The following LRP1B variants were observed in gnomAD, a reference collection of about 807,000 sequenced individuals.
LRP1B encodes the protein LDL receptor related protein 1B, also known as low-density lipoprotein receptor-related protein 1B.
LRP1B carries 217 observed loss-of-function variants against 556.6 expected under a neutral mutation model. The observed-to-expected ratio is 0.39, with a 90% confidence interval of 0.35 to 0.44. LRP1B has a LOEUF of 0.44. Ranked by LOEUF, LRP1B falls within the 20% of genes least tolerant of loss-of-function variation. LRP1B has a pLI of 1.00. For synonymous variants in LRP1B, 2,047 were observed against 1,865.8 expected, an observed-to-expected ratio of 1.10 and a Z score of -2.50; for missense variants, 5,053 against 5,620.8, an observed-to-expected ratio of 0.90 and a Z score of 3.23.
At chr2:141,905,978 G>A (rs1052427930) in intron 1 of LRP1B, among the ~76,000 whole-genome samples, 1 of 132,816 alleles carries the variant, frequency 7.5e-6, no homozygotes, top group Non-Finnish European at 1.6e-5. Context: ...ATCTCTAAGA[G>A]GACTAGACAA....
At chr2:141,290,110 A>G (rs945089994) in intron 3 of LRP1B, among the ~76,000 whole-genome samples, 7 of 152,156 alleles carry the variant, frequency 4.6e-5, no homozygotes, top group Non-Finnish European at 5.9e-5. Context: ...TGAACATTCA[A>G]TACACCTCTC....
At chr2:140,494,606 C>CAAAAAAAAAAAAAA (rs77006034) in intron 56 of LRP1B, among the ~76,000 whole-genome samples, 1 of 64,196 alleles carries the variant, frequency 1.6e-5, no homozygotes, top group Non-Finnish European at 3.1e-5. Flanking sequence ...GACTCCGTCT[C>CAAAAAAAAAAAAAA]AAAAAAAAAA....
At chr2:140,746,717 A>C (rs1428581064) in intron 35 of LRP1B, among the ~76,000 whole-genome samples, 1 of 152,140 alleles carries the variant, frequency 6.6e-6, no homozygotes, top group South Asian at 2.1e-4. Context: ...GGGGTTGTGC[A>C]TTCCTGATTA....
chr2:141,155,496 A>G (rs1330229768), intron 7 of LRP1B, among the ~76,000 whole-genome samples: 1 of 149,138 alleles, frequency 6.7e-6, no homozygotes. Flanking sequence ...ATTTTTTTTT[A>G]TTTTAAGTTC....
chr2:140,841,036 T>C lies in LRP1B; in HGVS notation c.4996A>G (p.Ile1666Val), dbSNP rs755659973. ...TGCGTTTCATCAAATTCTGAGCTAATCCAGTATAAATTACGTGACACCCAA... is the reference window on the plus strand; with the variant it reads ...TGCGTTTCATCAAATTCTGAGCTAACCCAGTATAAATTACGTGACACCCAA... ...VDWVSRNLYWISSEFDETQIN... is the reference protein window; with the variant it reads ...VDWVSRNLYWVSSEFDETQIN... The change falls in exon 30 of 91, where the codon ATT becomes GTT. Residue 1666 changes from isoleucine (I) to valine (V), a missense_variant. Physicochemically the swap from Ile to Val is conservative, Grantham distance 29. Around this residue, in one of 5 missense-constraint regions of LRP1B, gnomAD observed 3,619 missense variants for 3,931.9 expected, o/e 0.92. Transcript: ENST00000389484. 73 of 1,613,366 alleles carry C rather than the reference T, an allele frequency of 4.5e-5. No individual in the cohort carries two copies. Among genetic ancestry groups the C allele is most frequent in the Non-Finnish European group, 5.9e-5 (70 of 1,179,588 alleles).
chr2:141,106,963 A>G (rs190460297), intron 7 of LRP1B, among the ~76,000 whole-genome samples: 16 of 152,230 alleles, frequency 1.1e-4, no homozygotes, highest in African/African-American at 3.6e-4. Flanking sequence ...GAATTGTGAT[A>G]TATGCAAGAT....
chr2:141,419,620 TC>T (rs1485085727), intron 3 of LRP1B, among the ~76,000 whole-genome samples: 1 of 152,148 alleles, frequency 6.6e-6, no homozygotes, highest in African/African-American at 2.4e-5. Flanking sequence ...CTGTAATGTC[TC>T]CTTTTTCATT....
intron 43 of LRP1B, among the ~76,000 whole-genome samples, chr2:140,591,124 A>C (rs1213589934): frequency 6.6e-6 from 1 of 152,226 alleles, no homozygotes; most frequent in Non-Finnish European, 1.5e-5. Flanking sequence ...CTTAAAATAT[A>C]CTGAAATCAA....
At chr2:142,008,533 T>A (rs1277165920) in intron 1 of LRP1B, among the ~76,000 whole-genome samples, 1 of 151,534 alleles carries the variant, frequency 6.6e-6, no homozygotes, top group Non-Finnish European at 1.5e-5. Flanking sequence ...TTTTTTTTTT[T>A]AACTTTCTTT....
chr2:142,005,858 C>T (rs559854410), intron 1 of LRP1B, among the ~76,000 whole-genome samples: 1 of 148,850 alleles, frequency 6.7e-6, no homozygotes, highest in East Asian at 2.0e-4. Flanking sequence ...GAGAAATGGT[C>T]TCCTCCTCTT....
chr2:141,220,579 A>T (rs1269997585), intron 6 of LRP1B, among the ~76,000 whole-genome samples: 3 of 151,386 alleles, frequency 2.0e-5, no homozygotes, highest in Non-Finnish European at 4.4e-5. Flanking sequence ...AGACTCCATG[A>T]GAAGATCAGC....
chr2:141,842,242 A>G (rs2105761913), intron 1 of LRP1B, among the ~76,000 whole-genome samples: 1 of 152,242 alleles, frequency 6.6e-6, no homozygotes, highest in East Asian at 1.9e-4. Context: ...AACCCTAATT[A>G]TCAACTTACA....
intron 32 of LRP1B, among the ~76,000 whole-genome samples, chr2:140,791,814 T>A (rs1159324840): frequency 2.2e-5 from 1 of 45,800 alleles, no homozygotes; most frequent in Non-Finnish European, 6.1e-5. Flanking sequence ...TTGAAGGGAA[T>A]CAGGATATCC....
intron 3 of LRP1B, among the ~76,000 whole-genome samples, chr2:141,322,259 C>T (rs1295061497): frequency 6.6e-6 from 1 of 151,920 alleles, no homozygotes; most frequent in East Asian, 1.9e-4. Flanking sequence ...AAGGAATGGG[C>T]AAGGGAAAAG....
chr2:140,787,980 A>T (rs1338047979), intron 32 of LRP1B, among the ~76,000 whole-genome samples: 2 of 152,172 alleles, frequency 1.3e-5, no homozygotes, highest in Non-Finnish European at 1.5e-5. Context: ...AGGTTGGTTG[A>T]AAGTTACATT....
intron 2 of LRP1B, among the ~76,000 whole-genome samples, chr2:141,531,071 C>T (rs1354954000): frequency 2.7e-5 from 4 of 150,738 alleles, no homozygotes; most frequent in East Asian, 1.9e-4. Flanking sequence ...TCTACTTAGA[C>T]GTGCCAGAAA....
At chr2:141,283,215 A>T (rs983453353) in intron 3 of LRP1B, among the ~76,000 whole-genome samples, 6 of 152,208 alleles carry the variant, frequency 3.9e-5, no homozygotes, top group Non-Finnish European at 5.9e-5. Flanking sequence ...TGCTAAAAAA[A>T]TATGAGGGGT....
rs558355693 is a variant in LRP1B at position 141,927,522 on chromosome 2, G to C, written c.83-117121C>G. Among the ~76,000 whole-genome samples the C allele has an allele frequency of 3.9e-5, 6 of 152,114 alleles. No individual in the cohort carries two copies. The South Asian group carries it at 1.2e-3, about 32-fold the overall frequency. ...GACATTCATTGATTTTGCTACTCAT[G>C]AGTGGTAAGTACCTGTAGGCATATC... On this transcript the variant is annotated intron_variant, in intron 1 of 90. Transcript: ENST00000389484.
chr2:141,776,984 C>A (rs1174365687), intron 2 of LRP1B, among the ~76,000 whole-genome samples: 1 of 152,100 alleles, frequency 6.6e-6, no homozygotes, highest in Non-Finnish European at 1.5e-5. Flanking sequence ...TTATTGAACA[C>A]AATTTTTGTC....
Sources: allele counts gnomAD v4.1 joint callset (sites outside exome capture counted in the v4.1 genomes callset), GRCh38; gene constraint gnomAD v4.1.1; regional missense constraint gnomAD v4.1.1; transcripts MANE v1.5; gene names NCBI Gene and HGNC (gene_info 2026-07-23, HGNC 2026-07-21).